RELN: variants seen among roughly 807,000 people sequenced by gnomAD.
RELN encodes the protein reelin.
A neutral mutation model predicts 427.6 loss-of-function variants in RELN; 108 were observed. That is an observed-to-expected ratio of 0.25 (90% CI 0.22 to 0.30). The LOEUF (loss-of-function observed/expected upper bound fraction) is 0.30, where lower values mean the gene tolerates loss of function less well. Ranked by LOEUF, RELN falls within the 10% of genes least tolerant of loss-of-function variation. The pLI is 1.00. For synonymous variants in RELN, 1,524 were observed against 1,513.4 expected (o/e 1.01, Z -0.16); for missense variants, 3,715 against 4,302.8 (o/e 0.86, Z 3.82).
intron 11 of RELN, among the ~76,000 whole-genome samples, chr7:103,666,094 T>G (rs1414142003): frequency 6.6e-6 from 1 of 152,086 alleles, no homozygotes; most frequent in Non-Finnish European, 1.5e-5. Flanking sequence ...GAAATGGTCT[T>G]GCTCTGTTGT....
At chr7:103,952,171 C>T (rs1232609106) in intron 1 of RELN, among the ~76,000 whole-genome samples, 1 of 152,152 alleles carries the variant, frequency 6.6e-6, no homozygotes, top group African/African-American at 2.4e-5. Context: ...GTTTTGCTGT[C>T]ATTCCATTTT....
intron 60 of RELN, among the ~76,000 whole-genome samples, chr7:103,487,086 A>C (rs190933699): frequency 1.6e-4 from 24 of 152,308 alleles, no homozygotes; most frequent in South Asian, 4.2e-4. Flanking sequence ...ATATAGAAGG[A>C]TGAGTTCATG....
chr7:103,822,783 G>A (rs1448265945), intron 3 of RELN, among the ~76,000 whole-genome samples: 173 of 11,872 alleles, frequency 0.015, 75 homozygotes, highest in African/African-American at 0.021. Flanking sequence ...GCGCGGTGGC[G>A]GGCGCCTGTA....
At chr7:103,515,804 C>T (rs1829552861) in intron 49 of RELN, among the ~76,000 whole-genome samples, 1 of 152,084 alleles carries the variant, frequency 6.6e-6, no homozygotes, top group Non-Finnish European at 1.5e-5. Context: ...TTTCTGTCAC[C>T]TAGTGCTTGG....
At chr7:103,677,594 C>T (rs1228341531) in intron 11 of RELN, among the ~76,000 whole-genome samples, 3 of 149,872 alleles carry the variant, frequency 2.0e-5, no homozygotes, top group Admixed American at 6.7e-5. Context: ...AGTGAAATCC[C>T]GTCTCTACCA....
Position 103,896,089 on chromosome 7 carries a change from AAT to A in RELN, c.337+20984_337+20985del, listed in dbSNP as rs142390325. Among the ~76,000 whole-genome samples the A allele has an allele frequency of 1.6e-3, 244 of 152,238 alleles. 2 individuals carry two copies. The highest frequency in any genetic ancestry group is 5.7e-3 in the African/African-American group (235 of 41,562). On this transcript the variant is annotated intron_variant, in intron 2 of 64. Coordinates refer to ENST00000428762, the MANE Select transcript of RELN (RefSeq NM_005045.4). ...AGCACAGGAAAAAGTGCTCAGTATC[AAT>A]AGTTATCTGGGAAATGCAAATTAAA...
chr7:103,755,834 TATC>T (rs1791136678), intron 4 of RELN, among the ~76,000 whole-genome samples: 1 of 93,784 alleles, frequency 1.1e-5, no homozygotes, highest in African/African-American at 4.4e-5. Flanking sequence ...AAAAAAAAGA[TATC>T]ATGATAGTTT....
chr7:103,787,555 C>A (rs1353167131), intron 3 of RELN, among the ~76,000 whole-genome samples: 2 of 152,126 alleles, frequency 1.3e-5, no homozygotes, highest in Non-Finnish European at 2.9e-5. Flanking sequence ...ATGATTAACA[C>A]CTCTACACAA....
intron 2 of RELN, among the ~76,000 whole-genome samples, chr7:103,896,336 A>G (rs1794959938): frequency 6.6e-6 from 1 of 152,114 alleles, no homozygotes; most frequent in Non-Finnish European, 1.5e-5. Context: ...GAAAATACAT[A>G]TTCACAAAGA....
chr7:103,811,423 T>G (rs944203763), intron 3 of RELN, among the ~76,000 whole-genome samples: 2 of 152,210 alleles, frequency 1.3e-5, no homozygotes, highest in African/African-American at 4.8e-5. Context: ...GTGCATCTTA[T>G]GAATTAAACA....
intron 19 of RELN, among the ~76,000 whole-genome samples, chr7:103,630,856 T>C (rs200551188): frequency 1.2e-5 from 1 of 83,506 alleles, no homozygotes; most frequent in African/African-American, 4.7e-5. Flanking sequence ...TTTTTGTTTT[T>C]TTTGTTTTTT....
rs776577816 is a variant in RELN at position 103,557,038 on chromosome 7, G to A, written c.5736C>T (p.Pro1912=). 4 of 1,613,824 alleles carry A rather than the reference G, an allele frequency of 2.5e-6. No individual in the cohort carries two copies. In the South Asian group the frequency reaches 4.4e-5, roughly 18 times the overall value. ...QTTNILFINV[P]LPYTAQTNAT... is the part of the protein sequence containing the mutation. ...CATTGGTTTGGGCAGTGTATGGCAA[G>A]GGAACATTGATGAAAAGTATATTCG... Residue 1912 remains proline, a synonymous_variant, in exon 38 of 65, where the codon CCC becomes CCT. Coordinates refer to ENST00000428762, the MANE Select transcript of RELN (RefSeq NM_005045.4).
intron 2 of RELN, among the ~76,000 whole-genome samples, chr7:103,869,341 G>A (rs894536847): frequency 1.3e-5 from 2 of 151,848 alleles, no homozygotes; most frequent in Non-Finnish European, 2.9e-5. Flanking sequence ...CATTTCCAGT[G>A]CTCTTCTTTA....
intron 16 of RELN, among the ~76,000 whole-genome samples, chr7:103,642,830 T>C (rs1204813829): frequency 6.6e-6 from 1 of 152,114 alleles, no homozygotes; most frequent in Non-Finnish European, 1.5e-5. Context: ...TCACTCGTAT[T>C]CTGCTATCTA....
intron 1 of RELN, among the ~76,000 whole-genome samples, chr7:103,960,037 C>T (rs147906224): frequency 4.6e-5 from 7 of 152,272 alleles, no homozygotes; most frequent in South Asian, 2.1e-4. Flanking sequence ...TTGCCCTCTG[C>T]CCCCACTCCC....
chr7:103,885,829 C>A (rs546985974), intron 2 of RELN, among the ~76,000 whole-genome samples: 130 of 152,254 alleles, frequency 8.5e-4, no homozygotes, highest in African/African-American at 3.1e-3. Flanking sequence ...TTTTAAATGT[C>A]TAACAATTAA....
At chr7:103,964,986 C>T (rs1472460799) in intron 1 of RELN, among the ~76,000 whole-genome samples, 1 of 152,164 alleles carries the variant, frequency 6.6e-6, no homozygotes, top group African/African-American at 2.4e-5. Flanking sequence ...AATGCTACCT[C>T]ACAGAATCAT....
rs1562931008 is a variant in RELN at position 103,630,865 on chromosome 7, T to TG, written c.2466-690_2466-689insC. On this transcript the variant is annotated intron_variant, in intron 19 of 64. Transcript: ENST00000428762. Reference sequence around the variant, plus strand: ...GTTATTTTTTTGTTTTTTTTGTTTTTTTTTTTTTTGTTTTTTAACTAATGA... The same window carrying TG: ...GTTATTTTTTTGTTTTTTTTGTTTTTGTTTTTTTTTGTTTTTTAACTAATGA... Among the ~76,000 whole-genome samples the TG allele has an allele frequency of 2.3e-4, 34 of 149,252 alleles. 1 individual carries two copies. The highest frequency in any genetic ancestry group is 7.0e-3 in the Middle Eastern group (2 of 284).
At chr7:103,796,875 CAAAAA>C (rs1310087423) in intron 3 of RELN, among the ~76,000 whole-genome samples, 1 of 67,242 alleles carries the variant, frequency 1.5e-5, no homozygotes, top group African/African-American at 5.3e-5. Flanking sequence ...CTCCATCTCA[CAAAAA>C]AAAAAAAAAA....
Sources: gnomAD v4.1 joint callset for allele counts (sites outside exome capture counted in the v4.1 genomes callset) on GRCh38, gnomAD v4.1.1 for gene constraint, MANE v1.5 for transcripts, NCBI Gene and HGNC (gene_info 2026-07-23, HGNC 2026-07-21) for gene names.